SNX29: variants seen among roughly 807,000 people sequenced by gnomAD.
SNX29 encodes sorting nexin-29.
In SNX29, 78 loss-of-function variants were observed where a neutral mutation model predicts 102.1. That is an observed-to-expected ratio of 0.76 (90% CI 0.64 to 0.92). SNX29 has a LOEUF of 0.92. Among genes scored for constraint, SNX29 ranks in the 40% least tolerant of loss-of-function variants. SNX29 has a pLI of 0.00. For synonymous variants in SNX29, 580 were observed against 414.5 expected, an observed-to-expected ratio of 1.40 and a Z score of -4.85; for missense variants, 1,280 against 1,061.7, an observed-to-expected ratio of 1.21 and a Z score of -2.86.
intron 19 of SNX29, among the ~76,000 whole-genome samples, chr16:12,517,625 C>G (rs947180190): frequency 1.3e-5 from 2 of 152,174 alleles, no homozygotes; most frequent in African/African-American, 2.4e-5. Flanking sequence ...TTGGGATCTC[C>G]AGGCGCTGTG....
intron 15 of SNX29, among the ~76,000 whole-genome samples, chr16:12,334,557 T>A (rs1307174150): frequency 1.3e-5 from 2 of 152,198 alleles, no homozygotes; most frequent in African/African-American, 2.4e-5. Flanking sequence ...TGGGACCCCT[T>A]TAAATCAAAG....
chr16:12,519,325 C>G (rs548735410), intron 19 of SNX29, among the ~76,000 whole-genome samples: 1 of 152,154 alleles, frequency 6.6e-6, no homozygotes, highest in Non-Finnish European at 1.5e-5. Flanking sequence ...CCAGTCTGAA[C>G]AGTATTGCAT....
intron 17 of SNX29, among the ~76,000 whole-genome samples, chr16:12,403,200 GTA>G (rs796996862): frequency 0.015 from 1,028 of 70,820 alleles, 25 homozygotes; most frequent in East Asian, 0.064. Flanking sequence ...GATTGTGTGT[GTA>G]TGTGTGTGTG....
Position 12,122,914 on chromosome 16 carries a change from C to T in SNX29, c.1403-3719C>T, listed in dbSNP as rs150008902. On this transcript the variant is annotated intron_variant, in intron 11 of 20. Coordinates refer to ENST00000566228, the MANE Select transcript of SNX29 (RefSeq NM_032167.5). ...TAATCTCGGCTCACTGCAATCTCTG[C>T]CTCCCAGGTTCAAGCAATTCTCCCG... Among the ~76,000 whole-genome samples the T allele has an allele frequency of 5.3e-3, 807 of 152,184 alleles. 9 individuals are homozygous for T. The highest frequency in any genetic ancestry group is 0.019 in the African/African-American group (771 of 41,500).
At chr16:12,086,275 A>G (rs1303104924) in intron 11 of SNX29, among the ~76,000 whole-genome samples, 1 of 151,954 alleles carries the variant, frequency 6.6e-6, no homozygotes, top group African/African-American at 2.4e-5. Context: ...AAGTGTTGGG[A>G]TTACAGGCGT....
In SNX29 at chr16:12,573,436, A is replaced by C. The variant is rs1313851198; in HGVS notation, c.*4807A>C. The C allele has an allele frequency of 8.9e-6, 2 of 223,904 alleles. No homozygotes were observed. The highest frequency in any genetic ancestry group is 4.5e-5 in the African/African-American group (2 of 44,806). 13.9% of individuals were successfully genotyped at this position (223,904 alleles called of 1,614,324 possible). On this transcript the variant is annotated 3_prime_UTR_variant, in exon 21 of 21. Transcript: ENST00000566228. ...AAAAAGAAATCTGGCTTCCTTAATA[A>C]GATAGTTGAGCCTATGACATTAAGG... is the stretch of plus-strand genomic sequence containing the variant.
intron 18 of SNX29, among the ~76,000 whole-genome samples, chr16:12,464,351 T>C (rs924404569): frequency 6.6e-6 from 1 of 152,170 alleles, no homozygotes; most frequent in African/African-American, 2.4e-5. Flanking sequence ...CTAGTTTGTT[T>C]CCATATCTTG....
intron 15 of SNX29, among the ~76,000 whole-genome samples, chr16:12,354,689 T>G (rs971080444): frequency 2.6e-5 from 4 of 152,128 alleles, no homozygotes; most frequent in Admixed American, 6.5e-5. Context: ...AGGAAGCTCG[T>G]GGGGGGTTTA....
intron 16 of SNX29, among the ~76,000 whole-genome samples, chr16:12,365,935 G>A (rs752307200): frequency 3.7e-4 from 56 of 150,936 alleles, no homozygotes; most frequent in Non-Finnish European, 6.5e-4. Flanking sequence ...CCAGCTACTC[G>A]GGAGGCTGAG....
At chr16:12,390,720 C>G (rs961479145) in intron 16 of SNX29, among the ~76,000 whole-genome samples, 2 of 151,982 alleles carry the variant, frequency 1.3e-5, no homozygotes, top group South Asian at 2.1e-4. Flanking sequence ...ATGGTTCTTG[C>G]AGGATCCTAT....
At chr16:12,479,185 C>G (rs76366365) in intron 19 of SNX29, among the ~76,000 whole-genome samples, 5,751 of 152,278 alleles carry the variant, frequency 0.038, 297 homozygotes, top group East Asian at 0.23. Context: ...AACAAGCCCT[C>G]TAGGTGATGC....
intron 20 of SNX29, among the ~76,000 whole-genome samples, chr16:12,563,637 G>T (rs1362732462): frequency 1.3e-5 from 2 of 152,108 alleles, no homozygotes; most frequent in Non-Finnish European, 2.9e-5. Flanking sequence ...CCTGGCCCCA[G>T]AAGGTAGGAA....
At chr16:12,523,916 C>A (rs566793357) in intron 19 of SNX29, among the ~76,000 whole-genome samples, 2 of 152,080 alleles carry the variant, frequency 1.3e-5, no homozygotes. Flanking sequence ...GATGGAGTTT[C>A]GCTCTTGTTG....
chr16:12,374,606 C>T (rs1009171797), intron 16 of SNX29: 1 of 152,230 alleles, frequency 6.6e-6, no homozygotes, highest in African/African-American at 2.4e-5. Context: ...TGATGCTAGC[C>T]CGGCTTTAAC....
intron 19 of SNX29, among the ~76,000 whole-genome samples, chr16:12,493,218 T>C (rs1276475806): frequency 6.6e-6 from 1 of 152,122 alleles, no homozygotes; most frequent in East Asian, 1.9e-4. Context: ...CCTTGAGCAG[T>C]GGTTTGTAGT....
chr16:12,540,666 A>G (rs367778315), intron 20 of SNX29, among the ~76,000 whole-genome samples: 1 of 152,158 alleles, frequency 6.6e-6, no homozygotes, highest in Non-Finnish European at 1.5e-5. Flanking sequence ...GAATGTAACC[A>G]CAGCTGCTGG....
At chr16:12,485,097 A>G (rs62028455) in intron 19 of SNX29, among the ~76,000 whole-genome samples, 18,834 of 152,242 alleles carry the variant, frequency 0.12, 1,209 homozygotes, top group Admixed American at 0.13. Context: ...CTCAATTCCA[A>G]AAGTGAGTAC....
chr16:12,018,055 GCCA>G (rs1277996380), intron 3 of SNX29, among the ~76,000 whole-genome samples: 2 of 151,986 alleles, frequency 1.3e-5, no homozygotes, highest in Admixed American at 1.3e-4. Context: ...ACAGGTACCT[GCCA>G]CCACGCCTGG....
At chr16:12,306,802 C>G (rs2080352512) in intron 15 of SNX29, among the ~76,000 whole-genome samples, 1 of 152,234 alleles carries the variant, frequency 6.6e-6, no homozygotes, top group South Asian at 2.1e-4. Flanking sequence ...GTCAGCCGAG[C>G]TGTCCTGTGT....
Sources: gnomAD v4.1 joint callset for allele counts (sites outside exome capture counted in the v4.1 genomes callset) on GRCh38, gnomAD v4.1.1 for gene constraint, MANE v1.5 for transcripts, NCBI Gene and HGNC (gene_info 2026-07-23, HGNC 2026-07-21) for gene names.